The following STK38 variants were observed in gnomAD, a reference collection of about 807,000 sequenced individuals.
STK38 encodes the protein serine/threonine kinase 38.
Under a neutral mutation model 59.0 loss-of-function variants are expected in STK38, and 26 were observed. The observed-to-expected ratio is 0.44, with a 90% confidence interval of 0.32 to 0.61. The LOEUF (loss-of-function observed/expected upper bound fraction) is 0.61, where lower values mean the gene tolerates loss of function less well. STK38 is among the 20% of genes least tolerant of loss of function. STK38 has a pLI of 0.04. For missense variants in STK38, 433 were observed against 566.0 expected, an observed-to-expected ratio of 0.76 and a Z score of 2.38; for synonymous variants, 175 against 176.6, an observed-to-expected ratio of 0.99 and a Z score of 0.07.
intron 1 of STK38, among the ~76,000 whole-genome samples, chr6:36,542,597 T>C (rs1561995719): frequency 6.6e-6 from 1 of 152,072 alleles, no homozygotes; most frequent in African/African-American, 2.4e-5. Flanking sequence ...TGAGCCGAGA[T>C]AGCGCCACTG....
At position 36,515,467 on chromosome 6, in the gene STK38, T is replaced by C; in HGVS notation, c.540A>G (p.Lys180=). 2 of 1,613,828 alleles carry C rather than the reference T, an allele frequency of 1.2e-6. No homozygotes were observed. Among genetic ancestry groups the C allele is most frequent in the Non-Finnish European group, 1.7e-6 (2 of 1,179,968 alleles). ...PGGDMMTLLM[K]KDTLTEEETQ... is the part of the protein sequence containing the mutation. The stretch of plus-strand genomic sequence containing the variant: ...TCTCCTCTTCTGTCAGAGTGTCTTT[T>C]TTCATCAACAAGGTCATCATGTCCC... Residue 180 remains lysine, a synonymous_variant, in exon 7 of 14, where the codon AAA becomes AAG. Transcript: ENST00000229812.
chr6:36,537,948 C>A (rs1777836958), intron 2 of STK38, among the ~76,000 whole-genome samples: 1 of 151,628 alleles, frequency 6.6e-6, no homozygotes, highest in Non-Finnish European at 1.5e-5. Flanking sequence ...CAAATGAGTA[C>A]ATACTACATG....
chr6:36,507,453 C>T, intron 8 of STK38, 47 bp downstream of exon 8: 1 of 1,520,848 alleles, frequency 6.6e-7, no homozygotes, highest in African/African-American at 1.4e-5. Flanking sequence ...AACAGCTCTT[C>T]TAGGCCCAGT....
At chr6:36,504,490 G>A (rs533598419) in intron 9 of STK38, among the ~76,000 whole-genome samples, 126 of 152,214 alleles carry the variant, frequency 8.3e-4, no homozygotes, top group Non-Finnish European at 1.6e-3. Flanking sequence ...CTAACAAAAG[G>A]TCAAAGTAAC....
chr6:36,532,309 T>TAAAAAA (rs1359068323), intron 2 of STK38, among the ~76,000 whole-genome samples: 1 of 67,526 alleles, frequency 1.5e-5, no homozygotes, highest in Non-Finnish European at 3.2e-5. Context: ...CTTGTCTGCA[T>TAAAAAA]AAAAAAAAAA....
chr6:36,510,357 GC>G (rs1777079038), intron 7 of STK38, among the ~76,000 whole-genome samples: 1 of 152,238 alleles, frequency 6.6e-6, no homozygotes, highest in South Asian at 2.1e-4. Context: ...TAGAACCCAG[GC>G]TCGGCCTCAA....
Position 36,535,484 on chromosome 6 carries a change from C to T in STK38, c.131+4588G>A, listed in dbSNP as rs1440683583. Among the ~76,000 whole-genome samples the T allele has an allele frequency of 2.0e-5, 3 of 152,026 alleles. No homozygotes were observed. In the East Asian group the frequency reaches 5.8e-4, roughly 29 times the overall value. ...AACAAACAAGCAAGCAAACAAACAA[C>T]AAGAAAAACAGAGATCTGCAATGTC... On this transcript the variant is annotated intron_variant, in intron 2 of 13. Coordinates refer to ENST00000229812, the MANE Select transcript of STK38 (RefSeq NM_007271.4).
At chr6:36,532,005 C>T (rs1777676608) in intron 2 of STK38, among the ~76,000 whole-genome samples, 1 of 152,156 alleles carries the variant, frequency 6.6e-6, no homozygotes, top group South Asian at 2.1e-4. Flanking sequence ...ATTTGTATTA[C>T]AACTTGGTCT....
intron 5 of STK38, among the ~76,000 whole-genome samples, chr6:36,521,126 T>C (rs1411245440): frequency 6.6e-6 from 1 of 152,230 alleles, no homozygotes; most frequent in Non-Finnish European, 1.5e-5. Context: ...ACTTTATAAA[T>C]TGATTTGCAA....
At chr6:36,538,120 G>A (rs1166213301) in intron 2 of STK38, among the ~76,000 whole-genome samples, 3 of 151,628 alleles carry the variant, frequency 2.0e-5, no homozygotes, top group Non-Finnish European at 4.4e-5. Context: ...CTAATACAGT[G>A]AAACCCCGTC....
intron 2 of STK38, among the ~76,000 whole-genome samples, chr6:36,533,188 C>T (rs1777709699): frequency 6.6e-6 from 1 of 152,068 alleles, no homozygotes; most frequent in Admixed American, 6.6e-5. Context: ...TGTTCAGTTG[C>T]CCAAGCTGGA....
chr6:36,500,758 CAAAA>C (rs753008721), intron 9 of STK38, among the ~76,000 whole-genome samples: 1 of 58,432 alleles, frequency 1.7e-5, no homozygotes, highest in African/African-American at 6.2e-5. Context: ...GACTCTGTCT[CAAAA>C]AAAAAAAAAA....
intron 7 of STK38, among the ~76,000 whole-genome samples, chr6:36,508,312 AC>A (rs1293272475): frequency 6.6e-6 from 1 of 152,014 alleles, no homozygotes; most frequent in African/African-American, 2.4e-5. Flanking sequence ...TCCCCCTAAT[AC>A]TGGATGTGCA....
At chr6:36,539,907 G>T (rs189561314) in intron 2 of STK38, among the ~76,000 whole-genome samples, 165 bp downstream of exon 2, 25 of 151,954 alleles carry the variant, frequency 1.6e-4, no homozygotes, top group Admixed American at 1.6e-3. Flanking sequence ...GGCATAAGTG[G>T]GTTAATGGCA....
chr6:36,504,359 T>C (rs1776910335), intron 9 of STK38, among the ~76,000 whole-genome samples: 1 of 152,202 alleles, frequency 6.6e-6, no homozygotes, highest in African/African-American at 2.4e-5. Context: ...TGATTCCCAA[T>C]GGACTAAAAA....
At chr6:36,505,015 A>G (rs975991959) in intron 9 of STK38, among the ~76,000 whole-genome samples, 2 of 152,286 alleles carry the variant, frequency 1.3e-5, no homozygotes, top group African/African-American at 4.8e-5. Flanking sequence ...TAGTTTCCCA[A>G]CAACGCAGGA....
At chr6:36,496,580 A>T (rs1776708908) in intron 13 of STK38, 131 bp downstream of exon 13, 1 of 719,220 alleles carries the variant, frequency 1.4e-6, no homozygotes, top group Non-Finnish European at 2.4e-6. Flanking sequence ...GAATTAGAAA[A>T]GTACTTACAA....
chr6:36,546,098 T>C (rs997053016), intron 1 of STK38, among the ~76,000 whole-genome samples: 1 of 152,212 alleles, frequency 6.6e-6, no homozygotes, highest in Non-Finnish European at 1.5e-5. Flanking sequence ...TCTCTCCCAC[T>C]GAACTGTAAA....
chr6:36,528,304 G>A (rs761604841), intron 2 of STK38, among the ~76,000 whole-genome samples: 2 of 152,102 alleles, frequency 1.3e-5, no homozygotes, highest in African/African-American at 4.8e-5. Context: ...GCAGTAATGA[G>A]GATCTGATGG....
Sources: gnomAD v4.1 joint callset for allele counts (sites outside exome capture counted in the v4.1 genomes callset) on GRCh38, gnomAD v4.1.1 for gene constraint, MANE v1.5 for transcripts, NCBI Gene and HGNC (gene_info 2026-07-23, HGNC 2026-07-21) for gene names.